The following MDGA2 variants were observed in gnomAD, a reference collection of about 807,000 sequenced individuals.
MDGA2 encodes the protein MAM domain containing glycosylphosphatidylinositol anchor 2.
In MDGA2, 40 loss-of-function variants were observed where a neutral mutation model predicts 117.8. That is an observed-to-expected ratio of 0.34 (90% CI 0.26 to 0.44). The LOEUF is 0.44. Ranked by LOEUF, MDGA2 falls within the 20% of genes least tolerant of loss-of-function variation. The pLI is 1.00. For synonymous variants in MDGA2, 452 were observed against 439.0 expected (o/e 1.03, Z -0.37); for missense variants, 1,123 against 1,250.6 (o/e 0.90, Z 1.54).
intron 2 of MDGA2, among the ~76,000 whole-genome samples, chr14:47,287,270 G>A (rs1483878989): frequency 2.0e-5 from 3 of 151,962 alleles, no homozygotes; most frequent in African/African-American, 7.3e-5. Context: ...CAAATAAGGT[G>A]TTTACTTAGT....
intron 5 of MDGA2, among the ~76,000 whole-genome samples, chr14:47,102,477 T>C (rs1048255058): frequency 3.3e-5 from 5 of 151,938 alleles, no homozygotes; most frequent in Admixed American, 1.3e-4. Flanking sequence ...GTAGGAAATA[T>C]CTGCTTTAGT....
chr14:47,639,940 C>T (rs139739229), intron 1 of MDGA2, among the ~76,000 whole-genome samples: 20 of 152,244 alleles, frequency 1.3e-4, no homozygotes, highest in African/African-American at 4.3e-4. Flanking sequence ...ATTACTGCAT[C>T]ACTAGCTTTA....
chr14:47,669,495 A>G (rs1040279775), intron 1 of MDGA2, among the ~76,000 whole-genome samples: 7 of 152,218 alleles, frequency 4.6e-5, no homozygotes, highest in Non-Finnish European at 8.8e-5. Flanking sequence ...ATAGGACATG[A>G]GCAAGTAACA....
chr14:46,971,632 C>T (rs533605204), intron 8 of MDGA2, among the ~76,000 whole-genome samples: 1 of 151,830 alleles, frequency 6.6e-6, no homozygotes, highest in Non-Finnish European at 1.5e-5. Context: ...ACATAAACCC[C>T]AATACTTGAT....
intron 3 of MDGA2, among the ~76,000 whole-genome samples, chr14:47,167,381 C>A (rs1470340736): frequency 3.9e-5 from 6 of 152,088 alleles, no homozygotes; most frequent in Admixed American, 3.9e-4. Context: ...GTACTCATGT[C>A]TTCTCCTTAT....
At chr14:47,560,110 C>T (rs1895768365) in intron 1 of MDGA2, among the ~76,000 whole-genome samples, 1 of 151,788 alleles carries the variant, frequency 6.6e-6, no homozygotes, top group Non-Finnish European at 1.5e-5. Flanking sequence ...TTCTGTCGCC[C>T]AGCCTGGAGT....
At chr14:46,975,196 C>G (rs1886410362) in intron 8 of MDGA2, among the ~76,000 whole-genome samples, 1 of 151,974 alleles carries the variant, frequency 6.6e-6, no homozygotes, top group Non-Finnish European at 1.5e-5. Flanking sequence ...AAGAAAATAA[C>G]AAATGTTGGT....
chr14:46,891,843 T>C (rs1882897210), intron 10 of MDGA2, among the ~76,000 whole-genome samples: 1 of 151,486 alleles, frequency 6.6e-6, no homozygotes, highest in Non-Finnish European at 1.5e-5. Context: ...ATAATAAATA[T>C]CATAATAAAT....
At chr14:47,529,152 C>T (rs1306409023) in intron 1 of MDGA2, among the ~76,000 whole-genome samples, 1 of 152,186 alleles carries the variant, frequency 6.6e-6, no homozygotes, top group African/African-American at 2.4e-5. Flanking sequence ...ATGCCCGCCA[C>T]CACACCTGGC....
intron 1 of MDGA2, among the ~76,000 whole-genome samples, chr14:47,581,609 T>C (rs2138841053): frequency 6.6e-6 from 1 of 152,114 alleles, no homozygotes; most frequent in East Asian, 1.9e-4. Context: ...ATGACTTGTG[T>C]TGATAACCAG....
intron 1 of MDGA2, among the ~76,000 whole-genome samples, chr14:47,603,336 G>T (rs1216211515): frequency 2.6e-5 from 4 of 152,128 alleles, no homozygotes; most frequent in Non-Finnish European, 5.9e-5. Flanking sequence ...AGATCAGTCT[G>T]CACTACTTCC....
At chr14:47,447,668 T>C (rs199591947) in intron 1 of MDGA2, among the ~76,000 whole-genome samples, 1 of 152,170 alleles carries the variant, frequency 6.6e-6, no homozygotes, top group African/African-American at 2.4e-5. Flanking sequence ...TTAAGTTCAC[T>C]GTAGATGGTT....
At chr14:46,931,448 A>G (rs1884572170) in intron 9 of MDGA2, among the ~76,000 whole-genome samples, 1 of 151,904 alleles carries the variant, frequency 6.6e-6, no homozygotes, top group African/African-American at 2.4e-5. Flanking sequence ...ACTTTGGAGG[A>G]CAATTTCTTT....
At chr14:47,396,382 G>A (rs1420472993) in intron 1 of MDGA2, among the ~76,000 whole-genome samples, 9 of 151,694 alleles carry the variant, frequency 5.9e-5, no homozygotes, top group Non-Finnish European at 8.8e-5. Context: ...TTTAAATTAG[G>A]ACTCTAGAAA....
intron 3 of MDGA2, among the ~76,000 whole-genome samples, chr14:47,155,708 G>A (rs1363991893): frequency 1.3e-5 from 2 of 151,914 alleles, no homozygotes; most frequent in East Asian, 2.0e-4. Flanking sequence ...GGCCAGTAGC[G>A]CAAGCTGAGC....
At chr14:47,165,808 T>C (rs1401711765) in intron 3 of MDGA2, among the ~76,000 whole-genome samples, 2 of 152,312 alleles carry the variant, frequency 1.3e-5, no homozygotes, top group Middle Eastern at 3.4e-3. Context: ...TAAGTCCTCA[T>C]ACATAGATAT....
intron 1 of MDGA2, among the ~76,000 whole-genome samples, chr14:47,379,618 A>T (rs1274137851): frequency 6.6e-6 from 1 of 152,188 alleles, no homozygotes; most frequent in Non-Finnish European, 1.5e-5. Context: ...ATCAAAAGAG[A>T]CAAAGAAGGC....
intron 1 of MDGA2, among the ~76,000 whole-genome samples, chr14:47,602,993 G>A (rs557981691): frequency 1.6e-4 from 24 of 152,252 alleles, no homozygotes; most frequent in Admixed American, 3.9e-4. Context: ...ACATTAAGTA[G>A]AGCCTATATA....
intron 10 of MDGA2, among the ~76,000 whole-genome samples, chr14:46,907,149 G>A (rs1360072337): frequency 6.6e-6 from 1 of 151,598 alleles, no homozygotes; most frequent in Non-Finnish European, 1.5e-5. Context: ...GCTAATTTTT[G>A]TATTTTTAGT....
Sources: allele counts gnomAD v4.1 joint callset (sites outside exome capture counted in the v4.1 genomes callset), GRCh38; gene constraint gnomAD v4.1.1; transcripts MANE v1.5; gene names NCBI Gene and HGNC (gene_info 2026-07-23, HGNC 2026-07-21).